Variants in TPRG1 observed in about 807,000 individuals in gnomAD.
TPRG1 encodes the protein tumor protein p63 regulated 1, also known as tumor protein p63-regulated gene 1 protein.
TPRG1 carries 29 observed loss-of-function variants against 29.3 expected under a neutral mutation model. The observed-to-expected ratio is 0.99, with a 90% CI of 0.74 to 1.35. TPRG1 has a LOEUF of 1.35. Among genes scored for constraint, TPRG1 ranks in the 40% most tolerant of loss-of-function variants. The pLI is 0.00. For missense variants in TPRG1, 327 were observed against 335.0 expected, an observed-to-expected ratio of 0.98 and a Z score of 0.19; for synonymous variants, 130 against 116.8, an observed-to-expected ratio of 1.11 and a Z score of -0.73.
intron 4 of TPRG1, among the ~76,000 whole-genome samples, chr3:189,243,125 G>T (rs1252908911): frequency 1.3e-5 from 2 of 152,092 alleles, no homozygotes; most frequent in African/African-American, 4.8e-5. Context: ...AGTTCTGCAG[G>T]TTATACAGGA....
intron 1 of TPRG1, among the ~76,000 whole-genome samples, chr3:189,125,033 C>G (rs946413150): frequency 7.9e-5 from 12 of 152,212 alleles, no homozygotes; most frequent in Non-Finnish European, 1.8e-4. Flanking sequence ...TTTTAGGTCT[C>G]TCTTCGCTCT....
At chr3:189,075,342 C>CAT (rs1560429071) in intron 4 of TPRG1, among the ~76,000 whole-genome samples, 9 of 151,714 alleles carry the variant, frequency 5.9e-5, no homozygotes, top group Admixed American at 2.0e-4. Flanking sequence ...ACCATGTTGG[C>CAT]CAGGCTGTTC....
chr3:189,019,737 C>T (rs1388420788), intron 3 of TPRG1, among the ~76,000 whole-genome samples: 1 of 151,460 alleles, frequency 6.6e-6, no homozygotes, highest in Non-Finnish European at 1.5e-5. Flanking sequence ...CAGAATGATG[C>T]TGGCCTCATA....
intron 4 of TPRG1, among the ~76,000 whole-genome samples, chr3:189,071,420 C>A (rs1578285984): frequency 6.6e-6 from 1 of 152,112 alleles, no homozygotes; most frequent in East Asian, 1.9e-4. Context: ...CACACACACA[C>A]ACACACAAAG....
intron 1 of TPRG1, among the ~76,000 whole-genome samples, chr3:189,201,107 C>A (rs1445868998): frequency 1.2e-4 from 19 of 152,134 alleles, no homozygotes; most frequent in Admixed American, 1.2e-3. Context: ...TGTGCTGGTG[C>A]CTTGATCTTG....
upstream of TPRG1, among the ~76,000 whole-genome samples, chr3:189,098,940 C>A (rs1364890970): frequency 1.3e-5 from 2 of 152,126 alleles, no homozygotes; most frequent in Non-Finnish European, 2.9e-5. Flanking sequence ...AAATCAGAAT[C>A]TTTGGGAGCC....
At chr3:189,056,302 G>T (rs973317061) in intron 4 of TPRG1, among the ~76,000 whole-genome samples, 8 of 151,950 alleles carry the variant, frequency 5.3e-5, no homozygotes, top group African/African-American at 1.9e-4. Flanking sequence ...TGCCATGTTG[G>T]CCAGGTTTGT....
intron 3 of TPRG1, among the ~76,000 whole-genome samples, chr3:189,225,576 A>G (rs559657503): frequency 1.1e-3 from 164 of 152,366 alleles, no homozygotes; most frequent in Non-Finnish European, 1.9e-3. Context: ...TGTTGAGGCT[A>G]TCAACACTTC....
intron 4 of TPRG1, among the ~76,000 whole-genome samples, chr3:189,276,788 T>C (rs1185579293): frequency 1.3e-5 from 2 of 152,158 alleles, no homozygotes; most frequent in African/African-American, 4.8e-5. Flanking sequence ...GCTTGGAACA[T>C]ATACATGCCC....
intron 4 of TPRG1, among the ~76,000 whole-genome samples, chr3:189,068,403 C>T (rs1034063445): frequency 1.3e-5 from 2 of 152,104 alleles, no homozygotes; most frequent in Non-Finnish European, 2.9e-5. Context: ...TGGAATCAAC[C>T]TAAGTGTCCA....
intron 3 of TPRG1, among the ~76,000 whole-genome samples, chr3:189,018,377 G>A (rs1238852151): frequency 6.7e-6 from 1 of 149,624 alleles, no homozygotes. Flanking sequence ...TAACGTTTAA[G>A]TCTTTAATCC....
At chr3:189,267,770 T>C (rs1463253536) in intron 4 of TPRG1, 1 of 152,200 alleles carries the variant, frequency 6.6e-6, no homozygotes, top group African/African-American at 2.4e-5. Flanking sequence ...ACTGACATCA[T>C]AAAGATTTCA....
At chr3:189,188,369 T>C (rs114053720) in intron 1 of TPRG1, among the ~76,000 whole-genome samples, 73 of 152,258 alleles carry the variant, frequency 4.8e-4, no homozygotes, top group African/African-American at 1.7e-3. Context: ...GTGGAAAATA[T>C]TTTACTCTGT....
At chr3:189,024,589 C>T (rs1306951545) in intron 4 of TPRG1, among the ~76,000 whole-genome samples, 1 of 152,164 alleles carries the variant, frequency 6.6e-6, no homozygotes, top group Non-Finnish European at 1.5e-5. Flanking sequence ...CTTCCTTGTC[C>T]AGACGGTTTG....
intron 3 of TPRG1, among the ~76,000 whole-genome samples, chr3:189,022,091 T>C (rs556690200): frequency 3.9e-4 from 59 of 152,240 alleles, no homozygotes; most frequent in African/African-American, 1.4e-3. Flanking sequence ...ATCAGCTCCT[T>C]TAAGCACTTC....
Position 189,101,920 on chromosome 3 carries a change from G to A in TPRG1, c.-744+1716G>A, listed in dbSNP as rs150867316. On this transcript the variant is annotated intron_variant, in intron 1 of 6. Transcript: ENST00000412373. ...TTAGTTGCTATATACAACCCTATGA[G>A]TTAGGTGCTGCTATTGTTTTATTTT... 6.6e-3 allele frequency among the ~76,000 whole-genome samples: 1,011 copies of A among 152,178 alleles called. 12 individuals carry two copies. The highest frequency in any genetic ancestry group is 0.023 in the African/African-American group (935 of 41,518).
intron 3 of TPRG1, among the ~76,000 whole-genome samples, chr3:189,231,265 CATATAT>C (rs149177739): frequency 0.047 from 6,745 of 144,286 alleles, 214 homozygotes; most frequent in African/African-American, 0.071. Flanking sequence ...ACCTATAAAA[CATATAT>C]ATATATATAT....
At chr3:189,216,598 C>A (rs1263365859) in intron 3 of TPRG1, among the ~76,000 whole-genome samples, 1 of 152,142 alleles carries the variant, frequency 6.6e-6, no homozygotes, top group African/African-American at 2.4e-5. Context: ...GGTAAATTAG[C>A]AAAATGCCTA....
At chr3:189,157,915 A>G (rs910223944) in intron 5 of TPRG1, among the ~76,000 whole-genome samples, 1 of 152,172 alleles carries the variant, frequency 6.6e-6, no homozygotes, top group Non-Finnish European at 1.5e-5. Flanking sequence ...GCTGAGTATT[A>G]TACAATGTAT....
Sources: gnomAD v4.1 joint callset for allele counts (sites outside exome capture counted in the v4.1 genomes callset) on GRCh38, gnomAD v4.1.1 for gene constraint, MANE v1.5 for transcripts, NCBI Gene and HGNC (gene_info 2026-07-23, HGNC 2026-07-21) for gene names.